Variants in ADGRD1 observed in about 807,000 individuals in gnomAD.
ADGRD1 encodes the protein adhesion G protein-coupled receptor D1, also known as G-protein coupled receptor 133.
In ADGRD1, 77 loss-of-function variants were observed where a neutral mutation model predicts 113.4. The observed-to-expected ratio is 0.68, with a 90% CI of 0.57 to 0.82. The LOEUF is 0.82. ADGRD1 is among the 40% of genes least tolerant of loss of function. ADGRD1 has a pLI of 0.00. For missense variants in ADGRD1, 1,036 were observed against 1,139.1 expected (o/e 0.91, Z 1.30); for synonymous variants, 474 against 475.0 (o/e 1.00, Z 0.03).
In ADGRD1 at chr12:131,005,959, G is replaced by GCT. The variant is rs768236214; in HGVS notation, c.1256-6_1256-5dup. ...GAGCGCTGACAGCGCCTGCCCCTCT[G>GCT]CTCTCTCTGCAGCCTGGAGCACCGT... On this transcript the variant is annotated splice_polypyrimidine_tract_variant and intron_variant, in intron 11 of 24. Transcript: ENST00000261654. 106 of 1,608,248 alleles carry GCT rather than the reference G, an allele frequency of 6.6e-5. No homozygotes were observed. Among genetic ancestry groups the GCT allele is most frequent in the Non-Finnish European group, 8.3e-5 (98 of 1,178,722 alleles).
chr12:131,092,938 C>T (rs1887012430), intron 15 of ADGRD1, among the ~76,000 whole-genome samples: 1 of 151,176 alleles, frequency 6.6e-6, no homozygotes, highest in South Asian at 2.1e-4. Context: ...CGCTGGGCTT[C>T]CCCCTCTGGC....
chr12:131,006,219 A>G lies in ADGRD1; in HGVS notation c.1331+172A>G, dbSNP rs1877098948. Among the ~76,000 whole-genome samples, 3 of 152,196 alleles carry G rather than the reference A, an allele frequency of 2.0e-5. No individual in the cohort carries two copies. In the South Asian group the frequency reaches 6.2e-4, roughly 32 times the overall value. On this transcript the variant is annotated intron_variant, in intron 12 of 24. Transcript: ENST00000261654. ...GAAGCGTTTTGAAGGCCACTTGGGAACTGCAAGGCTGGGGCCAGGCTGGTG... is the reference window on the plus strand; with the variant it reads ...GAAGCGTTTTGAAGGCCACTTGGGAGCTGCAAGGCTGGGGCCAGGCTGGTG...
chr12:131,043,739 C>T (rs180698053), intron 13 of ADGRD1, among the ~76,000 whole-genome samples: 4 of 152,228 alleles, frequency 2.6e-5, no homozygotes, highest in South Asian at 2.1e-4. Context: ...GGCTGGGGAA[C>T]GGGCTCGTGC....
intron 5 of ADGRD1, among the ~76,000 whole-genome samples, chr12:130,985,708 C>T (rs147660966): frequency 0.02 from 3,043 of 152,058 alleles, 54 homozygotes; most frequent in African/African-American, 0.05. Flanking sequence ...CCTGCCACCA[C>T]GCCCAGCTAA....
intron 8 of ADGRD1, among the ~76,000 whole-genome samples, chr12:130,999,836 A>C (rs1184932493): frequency 6.6e-6 from 1 of 152,212 alleles, no homozygotes; most frequent in Non-Finnish European, 1.5e-5. Flanking sequence ...TTTTCATTTA[A>C]GTCTCCTGAT....
chr12:131,045,696 G>A (rs1014407922), intron 13 of ADGRD1, among the ~76,000 whole-genome samples: 1 of 152,190 alleles, frequency 6.6e-6, no homozygotes, highest in Non-Finnish European at 1.5e-5. Flanking sequence ...AATCCACAGC[G>A]GAGTTGGGAT....
intron 12 of ADGRD1, among the ~76,000 whole-genome samples, chr12:131,011,917 G>A (rs1165123409): frequency 1.3e-5 from 2 of 152,212 alleles, no homozygotes; most frequent in Admixed American, 1.3e-4. Context: ...CGGGGACAAG[G>A]TTCTGCTGAG....
At chr12:131,093,208 G>A (rs1229640202) in intron 15 of ADGRD1, among the ~76,000 whole-genome samples, 1 of 152,180 alleles carries the variant, frequency 6.6e-6, no homozygotes, top group Non-Finnish European at 1.5e-5. Flanking sequence ...CCCACCTGGT[G>A]GTTATGTCTG....
intron 10 of ADGRD1, 140 bp from the exon 11 acceptor site, chr12:131,004,040 TGAGGCC>T: frequency 1.8e-6 from 1 of 548,584 alleles, no homozygotes. Context: ...TTTTTTTTTT[TGAGGCC>T]ATGCTTTCTA....
At chr12:131,044,931 C>T (rs1181037937) in intron 13 of ADGRD1, among the ~76,000 whole-genome samples, 1 of 152,256 alleles carries the variant, frequency 6.6e-6, no homozygotes, top group Admixed American at 6.5e-5. Context: ...CTGGTCCCTG[C>T]GGGGCCGCTC....
In ADGRD1 at chr12:130,958,861, C is replaced by T. The variant is rs576549834; in HGVS notation, c.103+4201C>T. Among the ~76,000 whole-genome samples the T allele has an allele frequency of 4.1e-5, 6 of 147,220 alleles. No individual in the cohort carries two copies. The South Asian group carries it at 1.2e-3, about 31-fold the overall frequency. On this transcript the variant is annotated intron_variant, in intron 2 of 24. Coordinates refer to ENST00000261654, the MANE Select transcript of ADGRD1 (RefSeq NM_198827.5). ...CACGTTGGGCCTTTCAATGATTTTA[C>T]ATCATCCTTGCGAGAGCCCTGCGGT...
At chr12:131,103,091 G>A (rs1030862415) in intron 15 of ADGRD1, among the ~76,000 whole-genome samples, 2 of 152,218 alleles carry the variant, frequency 1.3e-5, no homozygotes, top group African/African-American at 4.8e-5. Flanking sequence ...TAGCCACAAC[G>A]TCCGTGGAGA....
chr12:131,039,076 C>G (rs1593097263), intron 13 of ADGRD1, among the ~76,000 whole-genome samples: 1 of 152,368 alleles, frequency 6.6e-6, no homozygotes. Context: ...GAGTCTAGTC[C>G]TCTGTCGAAG....
chr12:130,955,123 C>CTTTTTTTT lies in ADGRD1; in HGVS notation c.103+469_103+476dup, dbSNP rs71451389. Among the ~76,000 whole-genome samples, 60 of 99,650 alleles carry CTTTTTTTT rather than the reference C, an allele frequency of 6.0e-4. 3 individuals carry two copies. The highest frequency in any genetic ancestry group is 7.5e-4 in the Admixed American group (7 of 9,326). The allele number at this position is 99,650 out of a possible 152,430, so 65.4% of individuals were successfully genotyped here. The stretch of plus-strand genomic sequence containing the variant: ...CACAGGTGTGCACCACTACACCCAG[C>CTTTTTTTT]TTTTTTTTTTTTTGTATTTTTAGTA... On this transcript the variant is annotated intron_variant, in intron 2 of 24. Coordinates refer to ENST00000261654, the MANE Select transcript of ADGRD1 (RefSeq NM_198827.5).
Position 131,099,065 on chromosome 12 carries a change from C to G in ADGRD1, c.1672-5766C>G, listed in dbSNP as rs532381911. Among the ~76,000 whole-genome samples the G allele has an allele frequency of 1.9e-4, 29 of 152,382 alleles. No individual in the cohort carries two copies. In the South Asian group the frequency reaches 2.1e-3, roughly 11 times the overall value. On this transcript the variant is annotated intron_variant, in intron 15 of 24. Transcript: ENST00000261654. ...GTTTCTGTCATTTCCAACCACTCTT[C>G]TGTGATTCTCCATGATGCCTAGAGT...
At chr12:131,128,553 A>T (rs1732826) in intron 20 of ADGRD1, among the ~76,000 whole-genome samples, 93,861 of 151,504 alleles carry the variant, frequency 0.62, 30,077 homozygotes, top group Non-Finnish European at 0.72. Flanking sequence ...GATTTATGAA[A>T]TGGCAACACA....
chr12:130,959,082 C>T (rs1413674032), intron 2 of ADGRD1, among the ~76,000 whole-genome samples: 1 of 152,184 alleles, frequency 6.6e-6, no homozygotes, highest in African/African-American at 2.4e-5. Flanking sequence ...GACATAGGTT[C>T]GCTCAGGTGC....
At chr12:131,111,109 C>G (rs373382936) in intron 18 of ADGRD1, among the ~76,000 whole-genome samples, 1 of 133,318 alleles carries the variant, frequency 7.5e-6, no homozygotes, top group South Asian at 2.3e-4. Flanking sequence ...TTTTTTTTTT[C>G]TTTTTGAGAC....
chr12:131,053,341 T>C (rs1475761862), intron 13 of ADGRD1, among the ~76,000 whole-genome samples: 2 of 152,276 alleles, frequency 1.3e-5, no homozygotes, highest in African/African-American at 4.8e-5. Context: ...ATGTTGTCAA[T>C]GTTTTATTTT....
Sources: allele counts gnomAD v4.1 joint callset (sites outside exome capture counted in the v4.1 genomes callset), GRCh38; gene constraint gnomAD v4.1.1; transcripts MANE v1.5; gene names NCBI Gene and HGNC (gene_info 2026-07-23, HGNC 2026-07-21).